FRMD5: variants seen among roughly 807,000 people sequenced by gnomAD.
FRMD5 encodes FERM domain-containing protein 5.
Under a neutral mutation model 69.0 loss-of-function variants are expected in FRMD5, and 20 were observed. The observed-to-expected ratio is 0.29, with a 90% CI of 0.20 to 0.42. The LOEUF (loss-of-function observed/expected upper bound fraction) is 0.42. FRMD5 is among the 10% of genes least tolerant of loss of function. The pLI, the probability that FRMD5 is intolerant of heterozygous loss-of-function variation, is 1.00. For synonymous variants in FRMD5, 271 were observed against 260.1 expected, an observed-to-expected ratio of 1.04 and a Z score of -0.40; for missense variants, 595 against 708.6, an observed-to-expected ratio of 0.84 and a Z score of 1.82.
chr15:43,927,492 G>A (rs1374697102), intron 1 of FRMD5, among the ~76,000 whole-genome samples: 1 of 152,124 alleles, frequency 6.6e-6, no homozygotes, highest in Non-Finnish European at 1.5e-5. Context: ...CTTTGTGCAG[G>A]GCCTATTAAC....
chr15:44,017,773 A>AT (rs959780452), intron 1 of FRMD5, among the ~76,000 whole-genome samples: 6 of 150,634 alleles, frequency 4.0e-5, no homozygotes, highest in Non-Finnish European at 5.9e-5. Flanking sequence ...GCCCAGCTAA[A>AT]TTTTTTTTTG....
intron 1 of FRMD5, among the ~76,000 whole-genome samples, chr15:44,161,148 G>C (rs2077610289): frequency 6.6e-6 from 1 of 152,086 alleles, no homozygotes; most frequent in South Asian, 2.1e-4. Context: ...AATAAATGTA[G>C]ACAGAGATGC....
chr15:44,069,354 G>A (rs1349931573), intron 1 of FRMD5, among the ~76,000 whole-genome samples: 1 of 152,088 alleles, frequency 6.6e-6, no homozygotes, highest in Non-Finnish European at 1.5e-5. Flanking sequence ...GAAAACCTAT[G>A]CTCACACAAA....
chr15:43,915,249 T>C (rs948117126), intron 4 of FRMD5, among the ~76,000 whole-genome samples: 2 of 152,242 alleles, frequency 1.3e-5, no homozygotes, highest in Non-Finnish European at 2.9e-5. Flanking sequence ...ATGTATCGTC[T>C]ATGGCTGCTT....
chr15:44,012,298 C>G (rs1045780979), intron 1 of FRMD5, among the ~76,000 whole-genome samples: 5 of 152,302 alleles, frequency 3.3e-5, no homozygotes, highest in African/African-American at 1.2e-4. Context: ...GTCTTCCTGA[C>G]TATCACAGAG....
intron 8 of FRMD5, among the ~76,000 whole-genome samples, chr15:43,889,814 C>T (rs1567212591): frequency 6.6e-6 from 1 of 152,158 alleles, no homozygotes; most frequent in East Asian, 1.9e-4. Context: ...TCACTGGAGG[C>T]CCCATTTTTC....
intron 6 of FRMD5, among the ~76,000 whole-genome samples, chr15:43,903,081 C>A (rs2089085590): frequency 6.6e-6 from 1 of 152,220 alleles, no homozygotes; most frequent in South Asian, 2.1e-4. Context: ...TCTGAAGGGG[C>A]CTTTGGCATC....
At position 44,151,471 on chromosome 15, in the gene FRMD5, AAAT is replaced by A. The variant is rs1173522374; in HGVS notation, c.102+43479_102+43481del. ...AATCAGTTGGGTACTATATACTAAC[AAAT>A]AATAATCCGAAAAGAAAAGTACAAA... On this transcript the variant is annotated intron_variant, in intron 1 of 13. Coordinates refer to ENST00000417257, the MANE Select transcript of FRMD5 (RefSeq NM_032892.5). Among the ~76,000 whole-genome samples, 4 of 152,068 alleles carry A rather than the reference AAAT, an allele frequency of 2.6e-5. No homozygotes were observed. The East Asian group carries it at 7.7e-4, about 29-fold the overall frequency.
At chr15:44,084,872 C>T (rs1371314567) in intron 1 of FRMD5, among the ~76,000 whole-genome samples, 1 of 152,104 alleles carries the variant, frequency 6.6e-6, no homozygotes, top group African/African-American at 2.4e-5. Context: ...AACTCAGAGG[C>T]CACCATTCCC....
rs188117787 is a variant in FRMD5 at position 44,038,515 on chromosome 15, C to A, written c.103-114206G>T. 4.6e-4 allele frequency among the ~76,000 whole-genome samples: 5 copies of A among 10,842 alleles called. No homozygotes were observed. In the East Asian group the frequency reaches 0.078, roughly 169 times the overall value. The allele number at this position is 10,842 out of a possible 152,430, so 7.1% of individuals were successfully genotyped here. ...TTTCAGCTTTCTGCATATGGCTAGC[C>A]AGAGCTTTTTTTTTTTTTTTTTTTT... On this transcript the variant is annotated intron_variant, in intron 1 of 13. Coordinates refer to ENST00000417257, the MANE Select transcript of FRMD5 (RefSeq NM_032892.5).
upstream of FRMD5, among the ~76,000 whole-genome samples, chr15:44,196,965 T>A (rs2140637014): frequency 6.6e-6 from 1 of 152,312 alleles, no homozygotes; most frequent in South Asian, 2.1e-4. Flanking sequence ...AAACCAGGCA[T>A]GCGCTCCACT....
At chr15:43,956,147 G>C (rs1380854115) in intron 1 of FRMD5, among the ~76,000 whole-genome samples, 1 of 152,108 alleles carries the variant, frequency 6.6e-6, no homozygotes, top group Non-Finnish European at 1.5e-5. Flanking sequence ...ATTCTTAATT[G>C]ACACAATAAT....
chr15:43,875,042 AC>A (rs2088291957), intron 13 of FRMD5, among the ~76,000 whole-genome samples: 1 of 152,188 alleles, frequency 6.6e-6, no homozygotes, highest in Admixed American at 6.5e-5. Context: ...TACTAAAAAT[AC>A]AAAAATCAGC....
At chr15:44,002,229 A>G (rs1344016097) in intron 1 of FRMD5, among the ~76,000 whole-genome samples, 3 of 152,100 alleles carry the variant, frequency 2.0e-5, no homozygotes, top group African/African-American at 7.2e-5. Context: ...TTAAAAACTT[A>G]CATCTGGGTG....
intron 1 of FRMD5, among the ~76,000 whole-genome samples, chr15:44,119,723 C>T (rs2076919726): frequency 1.7e-5 from 1 of 57,590 alleles, no homozygotes; most frequent in Non-Finnish European, 4.1e-5. Context: ...TAGAGACTGT[C>T]TACTTCTTTT....
chr15:44,143,005 G>A (rs1232589390), intron 1 of FRMD5, among the ~76,000 whole-genome samples: 3 of 152,070 alleles, frequency 2.0e-5, no homozygotes, highest in Admixed American at 2.0e-4. Context: ...CAGGAGAATC[G>A]CTGGAACCTG....
chr15:44,057,820 G>C (rs1000105002), intron 1 of FRMD5, among the ~76,000 whole-genome samples: 3 of 152,178 alleles, frequency 2.0e-5, no homozygotes, highest in African/African-American at 7.2e-5. Flanking sequence ...TTAGAGAAGA[G>C]GGACTAAGCT....
chr15:44,101,537 A>C (rs1274769222), intron 1 of FRMD5: 3 of 152,650 alleles, frequency 2.0e-5, no homozygotes, highest in African/African-American at 7.2e-5. Context: ...ACTCCTATGA[A>C]GGTGAAAATA....
chr15:43,884,680 T>C (rs762890594), intron 12 of FRMD5, 47 bp downstream of exon 12: 10 of 1,554,700 alleles, frequency 6.4e-6, no homozygotes, highest in Middle Eastern at 1.7e-4. Flanking sequence ...ATTGAGATTC[T>C]GGGATCTGAG....
Sources: allele counts gnomAD v4.1 joint callset (sites outside exome capture counted in the v4.1 genomes callset), GRCh38; gene constraint gnomAD v4.1.1; transcripts MANE v1.5; gene names NCBI Gene and HGNC (gene_info 2026-07-23, HGNC 2026-07-21).